The following SESN3 variants were observed in gnomAD, a reference collection of about 807,000 sequenced individuals.
SESN3 encodes the protein sestrin-3.
In SESN3, 21 loss-of-function variants were observed where a neutral mutation model predicts 55.3. The ratio of observed to expected loss-of-function variants is 0.38; its 90% CI spans 0.27 to 0.55. SESN3 has a LOEUF of 0.55. Among genes scored for constraint, SESN3 ranks in the 20% least tolerant of loss-of-function variants. SESN3 has a pLI of 0.76. For missense variants in SESN3, 408 were observed against 604.3 expected (o/e 0.68, Z 3.41); for synonymous variants, 181 against 203.1 (o/e 0.89, Z 0.93).
In SESN3 at chr11:95,205,486, G is replaced by A. The variant is rs1860531296; in HGVS notation, c.79-11964C>T. On this transcript the variant is annotated intron_variant, in intron 1 of 9. Coordinates refer to ENST00000536441, the MANE Select transcript of SESN3 (RefSeq NM_144665.4). The stretch of plus-strand genomic sequence containing the variant: ...ACTAAACAGAATTGAGTGACTAATG[G>A]AATATCAGGGTAAAATAGTGAGGAA... Among the ~76,000 whole-genome samples, 7 of 152,218 alleles carry A rather than the reference G, an allele frequency of 4.6e-5. No individual in the cohort carries two copies. In the South Asian group the frequency reaches 1.5e-3, roughly 32 times the overall value.
intron 2 of SESN3, 62 bp downstream of exon 2, chr11:95,193,395 C>T: frequency 1.0e-6 from 1 of 982,746 alleles, no homozygotes; most frequent in South Asian, 1.4e-5. Flanking sequence ...AGGAGATATT[C>T]TTTGATACAG....
intron 1 of SESN3, among the ~76,000 whole-genome samples, chr11:95,203,161 C>G (rs1249971478): frequency 6.6e-6 from 1 of 151,974 alleles, no homozygotes; most frequent in African/African-American, 2.4e-5. Flanking sequence ...ATTATAAAAT[C>G]AAAAGGCTTT....
intron 1 of SESN3, among the ~76,000 whole-genome samples, chr11:95,198,908 C>G (rs1350369954): frequency 7.2e-6 from 1 of 139,702 alleles, no homozygotes; most frequent in Non-Finnish European, 1.6e-5. Flanking sequence ...CAGGAATAAA[C>G]ATAGCATAAT....
At chr11:95,200,260 G>A (rs1040911573) in intron 1 of SESN3, among the ~76,000 whole-genome samples, 3 of 151,904 alleles carry the variant, frequency 2.0e-5, no homozygotes, top group East Asian at 1.9e-4. Flanking sequence ...GAATTATAAC[G>A]GATTGGTACT....
intron 1 of SESN3, among the ~76,000 whole-genome samples, chr11:95,215,605 G>A (rs1177191170): frequency 1.3e-5 from 2 of 151,958 alleles, no homozygotes; most frequent in Non-Finnish European, 2.9e-5. Flanking sequence ...TGTAGTAAAC[G>A]GTCTGTGTCC....
chr11:95,182,875 G>A lies in SESN3; in HGVS notation c.937+1545C>T, dbSNP rs116761271. Among the ~76,000 whole-genome samples the A allele has an allele frequency of 6.4e-3, 971 of 152,160 alleles. 9 individuals are homozygous for A. Among genetic ancestry groups the A allele is most frequent in the African/African-American group, 0.022 (909 of 41,508 alleles). On this transcript the variant is annotated intron_variant, in intron 6 of 9. Transcript: ENST00000536441. ...GTGCCTTTGCTTGGGCCTGGATGCT[G>A]TTTACCATGTCCTCCTGTGCCCCTC...
intron 1 of SESN3, among the ~76,000 whole-genome samples, chr11:95,199,967 G>A (rs1204642026): frequency 7.3e-5 from 11 of 151,414 alleles, no homozygotes; most frequent in Non-Finnish European, 1.5e-4. Flanking sequence ...TAATTTAATG[G>A]TGCCAACATT....
intron 7 of SESN3, 93 bp downstream of exon 7, chr11:95,178,616 CA>C (rs1475502988): frequency 2.6e-5 from 20 of 770,774 alleles, no homozygotes; most frequent in Non-Finnish European, 1.4e-5. Context: ...TAGATTCTAT[CA>C]AAAATTGTTT....
chr11:95,176,577 C>T (rs555605471), intron 8 of SESN3, among the ~76,000 whole-genome samples: 16 of 152,260 alleles, frequency 1.1e-4, no homozygotes, highest in South Asian at 1.0e-3. Context: ...CAGATGTAGA[C>T]AGGTAGGTAA....
rs754048721 is a variant in SESN3, at chr11:95,172,198, A to G, written c.*1057T>C. 1.3e-5 allele frequency: 2 copies of G among 152,196 alleles called. No homozygotes were observed. Among genetic ancestry groups the G allele is most frequent in the Non-Finnish European group, 2.9e-5 (2 of 68,014 alleles). The allele number at this position is 152,196 out of a possible 1,614,324, so 9.4% of individuals were successfully genotyped here. A position where few individuals can be genotyped will look rare whatever the true frequency, so the allele number is the denominator to read the frequency against. On this transcript the variant is annotated 3_prime_UTR_variant, in exon 10 of 10. Transcript: ENST00000536441. Reference sequence around the variant, plus strand: ...AGTTCAATCACATTAATGCATAGAAACACAATTTTTACCTTTGAAAAATAA... The same window carrying G: ...AGTTCAATCACATTAATGCATAGAAGCACAATTTTTACCTTTGAAAAATAA...
chr11:95,229,451 T>C (rs1457297864), intron 1 of SESN3, among the ~76,000 whole-genome samples: 3 of 152,136 alleles, frequency 2.0e-5, no homozygotes, highest in East Asian at 1.9e-4. Flanking sequence ...ATTTAAGGCA[T>C]ATTTAACTGT....
At chr11:95,184,146 A>C in intron 6 of SESN3, 1 of 426,140 alleles carries the variant, frequency 2.3e-6, no homozygotes, top group East Asian at 3.4e-5. Context: ...ATGTCTATCT[A>C]ACTTTATAAG....
chr11:95,193,414 T>C (rs1860303846), intron 2 of SESN3, 43 bp downstream of exon 2: 3 of 1,151,320 alleles, frequency 2.6e-6, no homozygotes, highest in African/African-American at 1.6e-5. Context: ...AGTTAAGTTA[T>C]TTTTAAATCT....
At chr11:95,188,414 T>G in intron 4 of SESN3, among the ~76,000 whole-genome samples, 1 of 151,856 alleles carries the variant, frequency 6.6e-6, no homozygotes. Flanking sequence ...AATTTTCCTG[T>G]GTACCTCCTG....
Position 95,167,218 on chromosome 11 carries a change from G to C in SESN3, c.*6037C>G, listed in dbSNP as rs1016666724. The C allele has an allele frequency of 6.6e-6, 1 of 152,120 alleles. No homozygotes were observed. The highest frequency in any genetic ancestry group is 1.5e-5 in the Non-Finnish European group (1 of 68,018). 9.4% of individuals were successfully genotyped at this position (152,120 alleles called of 1,614,324 possible). ...ACTATAGGCCAGAGAGATTCTCTCT[G>C]ATATTCTTTCGGTAGAAATTATACA... On this transcript the variant is annotated 3_prime_UTR_variant, in exon 10 of 10. Coordinates refer to ENST00000536441, the MANE Select transcript of SESN3 (RefSeq NM_144665.4).
chr11:95,193,305 G>A, intron 2 of SESN3, 152 bp downstream of exon 2: 1 of 592,730 alleles, frequency 1.7e-6, no homozygotes, highest in Non-Finnish European at 3.0e-6. Flanking sequence ...TTGTGAAGCT[G>A]AAAAGAAAAT....
chr11:95,226,426 G>T (rs895859693), intron 1 of SESN3, among the ~76,000 whole-genome samples: 3 of 152,124 alleles, frequency 2.0e-5, no homozygotes, highest in African/African-American at 7.2e-5. Context: ...TATTTATTTA[G>T]GGTGGGGAGT....
intron 1 of SESN3, among the ~76,000 whole-genome samples, chr11:95,227,381 T>C (rs1376415108): frequency 6.6e-6 from 1 of 152,098 alleles, no homozygotes; most frequent in Non-Finnish European, 1.5e-5. Flanking sequence ...AATTTTTGTA[T>C]TTTTAGTAGA....
intron 1 of SESN3, among the ~76,000 whole-genome samples, chr11:95,223,899 G>T (rs1439337301): frequency 6.6e-6 from 1 of 152,058 alleles, no homozygotes; most frequent in South Asian, 2.1e-4. Context: ...CATATTTACT[G>T]TATTAGAAAT....
Sources: allele counts gnomAD v4.1 joint callset (sites outside exome capture counted in the v4.1 genomes callset), GRCh38; gene constraint gnomAD v4.1.1; transcripts MANE v1.5; gene names NCBI Gene and HGNC (gene_info 2026-07-23, HGNC 2026-07-21).